The following PPM1L variants were observed in gnomAD, a reference collection of about 807,000 sequenced individuals.
The protein encoded by PPM1L is protein phosphatase 1L.
In PPM1L, 13 loss-of-function variants were observed where a neutral mutation model predicts 31.4. That is an observed-to-expected ratio of 0.41 (90% CI 0.27 to 0.66). The LOEUF (loss-of-function observed/expected upper bound fraction) is 0.66, where lower values mean the gene tolerates loss of function less well. Ranked by LOEUF, PPM1L falls within the 30% of genes least tolerant of loss-of-function variation. The pLI, the probability that PPM1L is intolerant of heterozygous loss-of-function variation, is 0.29. For synonymous variants in PPM1L, 184 were observed against 175.4 expected (o/e 1.05, Z -0.39); for missense variants, 326 against 453.7 (o/e 0.72, Z 2.56).
intron 1 of PPM1L, among the ~76,000 whole-genome samples, chr3:160,800,954 AAAT>A (rs1712406902): frequency 6.6e-6 from 1 of 152,360 alleles, no homozygotes; most frequent in South Asian, 2.1e-4. Flanking sequence ...TGGTTTTTAA[AAAT>A]AAGACTGCAT....
chr3:160,817,047 A>G (rs1713018720), intron 1 of PPM1L, among the ~76,000 whole-genome samples: 1 of 152,124 alleles, frequency 6.6e-6, no homozygotes, highest in African/African-American at 2.4e-5. Flanking sequence ...AAGTGGTAGA[A>G]AAGAAGAAAA....
chr3:160,777,954 T>C (rs904497855), intron 1 of PPM1L, among the ~76,000 whole-genome samples: 10 of 152,196 alleles, frequency 6.6e-5, no homozygotes, highest in Admixed American at 2.0e-4. Flanking sequence ...CTGTTTTCCA[T>C]AGTAGTTGTA....
chr3:160,962,639 T>A (rs1266668848), intron 2 of PPM1L, among the ~76,000 whole-genome samples: 1 of 152,030 alleles, frequency 6.6e-6, no homozygotes, highest in Non-Finnish European at 1.5e-5. Context: ...TTTCTAATGG[T>A]CAAATGTTAA....
intron 1 of PPM1L, among the ~76,000 whole-genome samples, chr3:160,870,366 GAC>G (rs1712260078): frequency 6.6e-6 from 1 of 152,186 alleles, no homozygotes; most frequent in African/African-American, 2.4e-5. Flanking sequence ...TGCTAATGAA[GAC>G]ATCAGAACTA....
At chr3:161,037,225 C>G (rs182726514) in intron 2 of PPM1L, among the ~76,000 whole-genome samples, 1 of 152,222 alleles carries the variant, frequency 6.6e-6, no homozygotes, top group East Asian at 1.9e-4. Context: ...TATATAAAGA[C>G]TGGCTTCTGA....
At chr3:160,894,913 CTTAAT>C (rs1234600372) in intron 1 of PPM1L, among the ~76,000 whole-genome samples, 1 of 152,058 alleles carries the variant, frequency 6.6e-6, no homozygotes, top group East Asian at 1.9e-4. Context: ...TTTGTATAAA[CTTAAT>C]TTATTTATCT....
At position 160,769,411 on chromosome 3, in the gene PPM1L, G is replaced by T. The variant is rs77718874; in HGVS notation, c.399+12704G>T. Among the ~76,000 whole-genome samples the T allele has an allele frequency of 7.5e-3, 1,145 of 152,258 alleles. 16 individuals are homozygous for T. Among genetic ancestry groups the T allele is most frequent in the African/African-American group, 0.026 (1,086 of 41,536 alleles). ...GAGTAAACCTTCTTATTTTTGGATTGTCTTAGGGATGGTTTTATTTGGGAG... is the reference window on the plus strand; with the variant it reads ...GAGTAAACCTTCTTATTTTTGGATTTTCTTAGGGATGGTTTTATTTGGGAG... On this transcript the variant is annotated intron_variant, in intron 1 of 3. Transcript: ENST00000498165.
At chr3:160,924,913 C>T (rs1040114885) in intron 1 of PPM1L, among the ~76,000 whole-genome samples, 9 of 152,190 alleles carry the variant, frequency 5.9e-5, no homozygotes, top group African/African-American at 1.4e-4. Context: ...GGTATGTTGT[C>T]CTTTTGTCAG....
At chr3:160,808,721 C>T (rs148188302) in intron 1 of PPM1L, among the ~76,000 whole-genome samples, 2 of 152,254 alleles carry the variant, frequency 1.3e-5, no homozygotes, top group East Asian at 3.9e-4. Flanking sequence ...GCTTCCCTCA[C>T]AGAGCAGAGA....
In PPM1L at chr3:161,067,808, C is replaced by T. The variant is rs879470869; in HGVS notation, c.737-1003C>T. ...TCCTGCCCATAGATGTTTCACCCAT[C>T]GCTCAAAGCCCACCTTTAATGTTCA... On this transcript the variant is annotated intron_variant, in intron 3 of 3. Transcript: ENST00000498165. 2.5e-4 allele frequency among the ~76,000 whole-genome samples: 38 copies of T among 152,194 alleles called. 1 individual carries two copies. Among genetic ancestry groups the T allele is most frequent in the Admixed American group, 7.2e-4 (11 of 15,284 alleles).
chr3:160,796,502 C>T (rs1259618788), intron 1 of PPM1L, among the ~76,000 whole-genome samples: 1 of 152,100 alleles, frequency 6.6e-6, no homozygotes, highest in Non-Finnish European at 1.5e-5. Flanking sequence ...AGAATGTACA[C>T]ATAGAAGAAT....
chr3:160,885,791 C>T (rs925246577), intron 1 of PPM1L, among the ~76,000 whole-genome samples: 6 of 152,250 alleles, frequency 3.9e-5, no homozygotes, highest in Admixed American at 1.3e-4. Context: ...CGCAGATTCT[C>T]AACAGCCTCT....
chr3:160,772,815 T>C (rs971519622), intron 1 of PPM1L, among the ~76,000 whole-genome samples: 6 of 152,220 alleles, frequency 3.9e-5, no homozygotes, highest in Non-Finnish European at 5.9e-5. Context: ...AATAGAAATA[T>C]GCAGTATGTA....
intron 1 of PPM1L, among the ~76,000 whole-genome samples, chr3:160,783,468 C>T (rs1249250304): frequency 1.3e-5 from 2 of 151,606 alleles, no homozygotes; most frequent in East Asian, 1.9e-4. Flanking sequence ...GGCGTGGTGG[C>T]GGGTGCCTGT....
chr3:160,816,623 G>A (rs1455871), intron 1 of PPM1L, among the ~76,000 whole-genome samples: 8,778 of 151,916 alleles, frequency 0.058, 277 homozygotes, highest in African/African-American at 0.075. Context: ...TGTATCTTCA[G>A]TGGAGGAAAA....
At chr3:160,824,836 A>T (rs1248116361) in intron 1 of PPM1L, among the ~76,000 whole-genome samples, 1 of 152,088 alleles carries the variant, frequency 6.6e-6, no homozygotes, top group Non-Finnish European at 1.5e-5. Flanking sequence ...CATGCCTTAT[A>T]TATGTATGTA....
chr3:161,003,345 C>T (rs1227484438), intron 2 of PPM1L, among the ~76,000 whole-genome samples: 2 of 151,378 alleles, frequency 1.3e-5, no homozygotes, highest in African/African-American at 2.4e-5. Flanking sequence ...TCCATATGAA[C>T]TTTAAAATAG....
At chr3:160,960,451 T>A (rs886331841) in intron 1 of PPM1L, among the ~76,000 whole-genome samples, 11 of 152,102 alleles carry the variant, frequency 7.2e-5, no homozygotes, top group Admixed American at 6.5e-4. Context: ...AACAGAACAC[T>A]ATGGGTTTTT....
chr3:160,762,570 A>C (rs956073477), intron 1 of PPM1L, among the ~76,000 whole-genome samples: 1 of 152,182 alleles, frequency 6.6e-6, no homozygotes, highest in Non-Finnish European at 1.5e-5. Flanking sequence ...TTTTTTAAAA[A>C]AAATAGCAGA....
Sources: gnomAD v4.1 joint callset for allele counts (sites outside exome capture counted in the v4.1 genomes callset) on GRCh38, gnomAD v4.1.1 for gene constraint, MANE v1.5 for transcripts, NCBI Gene and HGNC (gene_info 2026-07-23, HGNC 2026-07-21) for gene names.